The following DLC1 variants were observed in gnomAD, a reference collection of about 807,000 sequenced individuals.
The protein encoded by DLC1 is DLC1 Rho GTPase activating protein, also known as rho GTPase-activating protein 7.
Under a neutral mutation model 140.3 loss-of-function variants are expected in DLC1, and 54 were observed. The observed-to-expected ratio is 0.38, with a 90% CI of 0.31 to 0.48. The LOEUF (loss-of-function observed/expected upper bound fraction) is 0.48, where lower values mean the gene tolerates loss of function less well. Ranked by LOEUF, DLC1 falls within the 20% of genes least tolerant of loss-of-function variation. The pLI is 0.96. For synonymous variants in DLC1, 986 were observed against 728.1 expected (o/e 1.35, Z -5.70); for missense variants, 2,536 against 1,907.0 (o/e 1.33, Z -6.14).
At chr8:13,396,058 C>CTTTTTTTTTTTTTTTTT (rs1458503033) in intron 3 of DLC1, among the ~76,000 whole-genome samples, 1 of 133,362 alleles carries the variant, frequency 7.5e-6, no homozygotes, top group Non-Finnish European at 1.6e-5. Context: ...AATTTCTTTT[C>CTTTTTTTTTTTTTTTTT]TTTCTTTTTT....
chr8:13,137,598 G>T (rs1213895740), intron 5 of DLC1, among the ~76,000 whole-genome samples: 2 of 114,954 alleles, frequency 1.7e-5, no homozygotes, highest in African/African-American at 3.5e-5. Flanking sequence ...TCAGTTTTTG[G>T]TTTTGTTTTT....
intron 5 of DLC1, among the ~76,000 whole-genome samples, chr8:13,249,720 A>G (rs7005807): frequency 6.6e-6 from 1 of 152,070 alleles, no homozygotes; most frequent in Non-Finnish European, 1.5e-5. Context: ...ATCCTGATTA[A>G]GAAACAACCC....
intron 3 of DLC1, among the ~76,000 whole-genome samples, chr8:13,400,775 T>G (rs928813395): frequency 6.6e-6 from 1 of 151,880 alleles, no homozygotes; most frequent in Non-Finnish European, 1.5e-5. Context: ...ATAAGTAAAC[T>G]CAACCATCCT....
At chr8:13,288,132 C>T (rs1337511254) in intron 5 of DLC1, among the ~76,000 whole-genome samples, 1 of 152,040 alleles carries the variant, frequency 6.6e-6, no homozygotes, top group Non-Finnish European at 1.5e-5. Flanking sequence ...TTTTTCTAAC[C>T]TAGCCACTAA....
intron 1 of DLC1, chr8:13,536,153 A>T: frequency 6.6e-6 from 1 of 152,244 alleles, no homozygotes; most frequent in South Asian, 2.1e-4. Context: ...TATACTGATG[A>T]CAACAAGCTA....
intron 7 of DLC1, among the ~76,000 whole-genome samples, chr8:13,106,097 G>GGAGT (rs1402244476): frequency 6.6e-6 from 1 of 152,128 alleles, no homozygotes; most frequent in Non-Finnish European, 1.5e-5. Flanking sequence ...TGAAGAGGGA[G>GGAGT]GAGTGCAAGG....
In DLC1 at chr8:13,202,409, T is replaced by A. The variant is rs563000171; in HGVS notation, c.1349-86752A>T. On this transcript the variant is annotated intron_variant, in intron 5 of 17. Coordinates refer to ENST00000276297, the MANE Select transcript of DLC1 (RefSeq NM_182643.3). ...TATCCATCACCTCAAACACTTGCCA[T>A]TTCTTTGCAATGAGAATGTTATATC... is the stretch of plus-strand genomic sequence containing the variant. Among the ~76,000 whole-genome samples the A allele has an allele frequency of 2.0e-5, 3 of 152,312 alleles. No homozygotes were observed. The South Asian group carries it at 6.2e-4, about 32-fold the overall frequency.
At chr8:13,446,135 CT>C (rs1181336391) in intron 2 of DLC1, among the ~76,000 whole-genome samples, 3 of 152,172 alleles carry the variant, frequency 2.0e-5, no homozygotes, top group South Asian at 4.1e-4. Flanking sequence ...CTCTCCCCCC[CT>C]CTGTGTTCCT....
At chr8:13,144,394 C>T (rs568035065) in intron 5 of DLC1, among the ~76,000 whole-genome samples, 29 of 152,280 alleles carry the variant, frequency 1.9e-4, no homozygotes, top group African/African-American at 6.7e-4. Context: ...CTATCAGCTT[C>T]CTTGGTTCTC....
At chr8:13,454,393 C>G (rs1799296812) in intron 2 of DLC1, among the ~76,000 whole-genome samples, 1 of 152,094 alleles carries the variant, frequency 6.6e-6, no homozygotes, top group East Asian at 1.9e-4. Context: ...AACATATTCA[C>G]AAAGTACATT....
chr8:13,393,073 A>G (rs906385869), intron 4 of DLC1, among the ~76,000 whole-genome samples: 1 of 152,098 alleles, frequency 6.6e-6, no homozygotes, highest in Non-Finnish European at 1.5e-5. Context: ...TTATCTGTCT[A>G]TCCATCCATC....
At chr8:13,278,984 C>A (rs988901191) in intron 5 of DLC1, among the ~76,000 whole-genome samples, 2 of 152,152 alleles carry the variant, frequency 1.3e-5, no homozygotes, top group Admixed American at 6.5e-5. Context: ...GAGCCGTCTG[C>A]CTCAAAAACT....
intron 5 of DLC1, among the ~76,000 whole-genome samples, chr8:13,145,979 T>C (rs1342856846): frequency 6.6e-6 from 1 of 152,072 alleles, no homozygotes; most frequent in East Asian, 1.9e-4. Context: ...TATCATAGTC[T>C]CTTAAAATAT....
intron 2 of DLC1, among the ~76,000 whole-genome samples, chr8:13,464,224 C>T (rs534257080): frequency 3.7e-4 from 56 of 152,126 alleles, no homozygotes; most frequent in African/African-American, 1.3e-3. Context: ...TGAAGAAGGC[C>T]AAGTGCCCAG....
chr8:13,510,304 G>A (rs1277149884), intron 1 of DLC1, among the ~76,000 whole-genome samples: 1 of 151,848 alleles, frequency 6.6e-6, no homozygotes, highest in Admixed American at 6.6e-5. Context: ...CTCCTGAGCA[G>A]CTGGGATTAC....
chr8:13,434,236 G>A (rs1038196786), intron 2 of DLC1, among the ~76,000 whole-genome samples: 1 of 152,180 alleles, frequency 6.6e-6, no homozygotes, highest in African/African-American at 2.4e-5. Flanking sequence ...TTTTACAAAT[G>A]AGGATGATGT....
At chr8:13,280,305 A>G (rs960659920) in intron 5 of DLC1, among the ~76,000 whole-genome samples, 19 of 151,184 alleles carry the variant, frequency 1.3e-4, no homozygotes, top group South Asian at 2.1e-4. Context: ...AAAAAAAAAA[A>G]AAAAAGAAAA....
chr8:13,299,281 A>T (rs913523607), intron 5 of DLC1, among the ~76,000 whole-genome samples: 1 of 151,418 alleles, frequency 6.6e-6, no homozygotes, highest in Non-Finnish European at 1.5e-5. Flanking sequence ...CATCTCTACT[A>T]AAAATATAAA....
intron 2 of DLC1, among the ~76,000 whole-genome samples, chr8:13,493,005 CTAAGAATATG>C (rs1178111311): frequency 6.6e-6 from 1 of 152,150 alleles, no homozygotes; most frequent in African/African-American, 2.4e-5. Flanking sequence ...ACAAAACTCA[CTAAGAATATG>C]TTGGATAAGA....
Sources: gnomAD v4.1 joint callset for allele counts (sites outside exome capture counted in the v4.1 genomes callset) on GRCh38, gnomAD v4.1.1 for gene constraint, MANE v1.5 for transcripts, NCBI Gene and HGNC (gene_info 2026-07-23, HGNC 2026-07-21) for gene names.